The following ZNF354C variants were observed in gnomAD, a reference collection of about 807,000 sequenced individuals.
ZNF354C encodes the protein KRAB-zinc finger protein synten.
A neutral mutation model predicts 12.4 loss-of-function variants in ZNF354C; 7 were observed. The observed-to-expected ratio is 0.56, with a 90% CI of 0.32 to 1.06. ZNF354C has a LOEUF of 1.06. Ranked by LOEUF, ZNF354C falls within the 50% of genes least tolerant of loss-of-function variation. The pLI is 0.04. For missense variants in ZNF354C, 609 were observed against 658.0 expected, an observed-to-expected ratio of 0.93 and a Z score of 0.81; for synonymous variants, 202 against 224.5, an observed-to-expected ratio of 0.90 and a Z score of 0.90.
chr5:179,080,736 C>T lies in ZNF354C; in HGVS notation c.*639C>T, dbSNP rs1218611244. 2 of 106,128 alleles carry T rather than the reference C, an allele frequency of 1.9e-5. No individual in the cohort carries two copies. Among genetic ancestry groups the T allele is most frequent in the Non-Finnish European group, 3.8e-5 (2 of 52,720 alleles). 6.6% of individuals were successfully genotyped at this position (106,128 alleles called of 1,614,324 possible). A position where few individuals can be genotyped will look rare whatever the true frequency, so the allele number is the denominator to read the frequency against. On this transcript the variant is annotated 3_prime_UTR_variant, in exon 5 of 5. Transcript: ENST00000315475. ...TAGAATTTAGTTCTTAAAATCTTGC[C>T]CAAAGGTAGACTCTCTTTCTTTTAC...
chr5:179,076,491 A>T lies in ZNF354C; in HGVS notation c.74A>T (p.Glu25Val). 1 of 1,614,202 alleles carries T rather than the reference A, an allele frequency of 6.2e-7. No individual in the cohort carries two copies. The highest frequency in any genetic ancestry group is 8.5e-7 in the Non-Finnish European group (1 of 1,180,040). Residue 25 changes from glutamate (E) to valine (V), a missense_variant, in exon 3 of 5, where the codon GAG becomes GTG. Glu to Val is a moderately radical substitution (Grantham distance 121). Transcript: ENST00000315475. ...RDVAVFFSQD[E>V]WLHLDSAQRA... ...GTGGCCGTGTTCTTCAGCCAGGACG[A>T]GTGGTTGCACCTGGACTCTGCCCAG...
intron 2 of ZNF354C, among the ~76,000 whole-genome samples, chr5:179,073,032 G>A (rs1374486353): frequency 6.6e-6 from 1 of 152,100 alleles, no homozygotes; most frequent in African/African-American, 2.4e-5. Context: ...GATTTGAAAG[G>A]AGGCTGAAAA....
In ZNF354C at chr5:179,079,080, C is replaced by G; in HGVS notation, c.648C>G (p.His216Gln). The change falls in exon 5 of 5, where the codon CAC becomes CAG. Residue 216 changes from histidine to glutamine, a missense_variant. Physicochemically the swap from His to Gln is conservative, Grantham distance 24. Coordinates refer to ENST00000315475, the MANE Select transcript of ZNF354C (RefSeq NM_014594.3). This position sits in a 1 kb window ranked among gnomAD's most constrained non-coding sequence, Gnocchi z 4.2. ...AGATTTACCCAGGAGGAAAACCTCACATCTGTAATGAATGTGGGAAGAGCT... is the reference window on the plus strand; with the variant it reads ...AGATTTACCCAGGAGGAAAACCTCAGATCTGTAATGAATGTGGGAAGAGCT... ...CFQIYPGGKP[H>Q]ICNECGKSFK... 6.2e-7 allele frequency: 1 copy of G among 1,613,914 alleles called. No homozygotes were observed. The highest frequency in any genetic ancestry group is 8.5e-7 in the Non-Finnish European group (1 of 1,180,012).
At chr5:179,069,784 T>C (rs1032007266) in intron 2 of ZNF354C, among the ~76,000 whole-genome samples, 16 of 151,980 alleles carry the variant, frequency 1.1e-4, no homozygotes, top group African/African-American at 3.6e-4. Context: ...GAGAATGGTG[T>C]GAACCCGGGA....
At chr5:179,070,524 A>G (rs1032231577) in intron 2 of ZNF354C, among the ~76,000 whole-genome samples, 1 of 152,182 alleles carries the variant, frequency 6.6e-6, no homozygotes, top group Admixed American at 6.5e-5. Flanking sequence ...GTGGTCCGGA[A>G]TGTTGCTGCC....
intron 2 of ZNF354C, among the ~76,000 whole-genome samples, chr5:179,062,408 T>C (rs1761905643): frequency 1.3e-5 from 2 of 152,102 alleles, no homozygotes; most frequent in East Asian, 1.9e-4. Context: ...TCTGTCTTCA[T>C]AGAGGATATA....
intron 2 of ZNF354C, among the ~76,000 whole-genome samples, chr5:179,070,433 T>A (rs1762033089): frequency 6.6e-6 from 1 of 152,192 alleles, no homozygotes; most frequent in Non-Finnish European, 1.5e-5. Context: ...AGTAGCTGTC[T>A]TGTGCTGGTG....
At chr5:179,067,407 A>G (rs1327809700) in intron 2 of ZNF354C, among the ~76,000 whole-genome samples, 1 of 152,200 alleles carries the variant, frequency 6.6e-6, no homozygotes, top group Non-Finnish European at 1.5e-5. Context: ...AGTTACATGC[A>G]TCATTTCCAT....
intron 2 of ZNF354C, among the ~76,000 whole-genome samples, chr5:179,062,619 G>A (rs1366004703): frequency 6.6e-6 from 1 of 152,182 alleles, no homozygotes; most frequent in Non-Finnish European, 1.5e-5. Context: ...GGGGCATTCT[G>A]AGTTTATACT....
chr5:179,061,242 C>T (rs2113102844), intron 1 of ZNF354C, among the ~76,000 whole-genome samples: 1 of 152,322 alleles, frequency 6.6e-6, no homozygotes, highest in South Asian at 2.1e-4. Flanking sequence ...TGGAGGCCCT[C>T]ACACTTGCCC....
rs754192747 is a variant in ZNF354C at position 179,079,933 on chromosome 5, T to C, written c.1501T>C (p.Cys501Arg). The C allele has an allele frequency of 1.2e-6, 2 of 1,613,996 alleles. No homozygotes were observed. Among genetic ancestry groups the C allele is most frequent in the South Asian group, 1.1e-5 (1 of 91,044 alleles). Reference protein sequence around the residue: ...TGEKLYKCMECGKAYSYRSNL... With the variant: ...TGEKLYKCMERGKAYSYRSNL... ...AGAGAAACTGTATAAATGTATGGAA[T>C]GTGGGAAAGCCTACAGTTACAGATC... Residue 501 changes from cysteine to arginine, a missense_variant, in exon 5 of 5, where the codon TGT becomes CGT. Cys to Arg is a radical substitution (Grantham distance 180). Transcript: ENST00000315475. The surrounding 1 kb of genome is among the most constrained non-coding windows in gnomAD (Gnocchi z 4.2).
chr5:179,080,703 TATTG>T lies in ZNF354C; in HGVS notation c.*610_*613del, dbSNP rs1425052551. On this transcript the variant is annotated 3_prime_UTR_variant, in exon 5 of 5. Coordinates refer to ENST00000315475, the MANE Select transcript of ZNF354C (RefSeq NM_014594.3). ...CCTTTATTATTAAAAAATGTAGTTT[TATTG>T]ATTTAGAATTTAGTTCTTAAAATCT... is the stretch of plus-strand genomic sequence containing the variant. 8 of 152,220 alleles carry T rather than the reference TATTG, an allele frequency of 5.3e-5. No homozygotes were observed. The East Asian group carries it at 1.5e-3, about 29-fold the overall frequency. The allele number at this position is 152,220 out of a possible 1,614,324, so 9.4% of individuals were successfully genotyped here. A position where few individuals can be genotyped will look rare whatever the true frequency, so the allele number is the denominator to read the frequency against.
At chr5:179,062,832 C>G (rs192946356) in intron 2 of ZNF354C, among the ~76,000 whole-genome samples, 4 of 152,194 alleles carry the variant, frequency 2.6e-5, no homozygotes, top group Non-Finnish European at 5.9e-5. Flanking sequence ...TTTCTTTTTT[C>G]TCTGCTAGTT....
intron 2 of ZNF354C, among the ~76,000 whole-genome samples, chr5:179,066,126 A>C (rs907136695): frequency 6.6e-6 from 1 of 152,228 alleles, no homozygotes; most frequent in Non-Finnish European, 1.5e-5. Flanking sequence ...TTATATCAGT[A>C]TGGCAACCAT....
intron 2 of ZNF354C, among the ~76,000 whole-genome samples, chr5:179,064,089 C>T (rs1489247850): frequency 6.6e-6 from 1 of 152,182 alleles, no homozygotes; most frequent in Non-Finnish European, 1.5e-5. Context: ...TATCTGAGCT[C>T]GCCTACATCC....
In ZNF354C at chr5:179,079,926, T is replaced by C. The variant is rs201552962; in HGVS notation, c.1494T>C (p.Cys498=). 6.2e-7 allele frequency: 1 copy of C among 1,613,876 alleles called. No individual in the cohort carries two copies. Among genetic ancestry groups the C allele is most frequent in the South Asian group, 1.1e-5 (1 of 91,038 alleles). ...ACACTGGAGAGAAACTGTATAAATG[T>C]ATGGAATGTGGGAAAGCCTACAGTT... The part of the protein sequence containing the change: ...RIHTGEKLYK[C]MECGKAYSYR... Residue 498 remains cysteine, a synonymous_variant, in exon 5 of 5, where the codon TGT becomes TGC. Transcript: ENST00000315475. The surrounding 1 kb of genome is among the most constrained non-coding windows in gnomAD (Gnocchi z 4.2).
Position 179,077,174 on chromosome 5 carries a change from A to G in ZNF354C, c.250+8A>G, listed in dbSNP as rs780847076. ...CTTCAGATACCCGTCTAGGTAAGTG[A>G]GAGGCTGGGAAATGGGCACAAGGGG... On this transcript the variant is annotated splice_region_variant and intron_variant, in intron 4 of 4. Transcript: ENST00000315475. 1 of 1,612,106 alleles carries G rather than the reference A, an allele frequency of 6.2e-7. No homozygotes were observed. The highest frequency in any genetic ancestry group is 2.2e-5 in the East Asian group (1 of 44,872).
chr5:179,079,347 T>C lies in ZNF354C; in HGVS notation c.915T>C (p.Cys305=). The C allele has an allele frequency of 6.2e-7, 1 of 1,614,172 alleles. No homozygotes were observed. Among genetic ancestry groups the C allele is most frequent in the Non-Finnish European group, 8.5e-7 (1 of 1,180,032 alleles). ...AGAAACCGTATCGATGTAGGGAATG[T>C]GGTAAAGCCTTTAGCCAGTGTTCAA... ...TGEKPYRCRE[C]GKAFSQCSTL... is the part of the protein sequence containing the mutation. The change falls in exon 5 of 5, where the codon TGT becomes TGC. Residue 305 remains cysteine, a synonymous_variant. Transcript: ENST00000315475. The surrounding 1 kb of genome is among the most constrained non-coding windows in gnomAD (Gnocchi z 4.2).
rs1762248326 is a variant in ZNF354C, at chr5:179,082,893, C to A, written c.*2796C>A. On this transcript the variant is annotated 3_prime_UTR_variant, in exon 5 of 5. Coordinates refer to ENST00000315475, the MANE Select transcript of ZNF354C (RefSeq NM_014594.3). ...ATTCCAGGCACTGCACTTGCCAGTG[C>A]GCTGATGAAGAATCACGGAGAACTC... 3.9e-6 allele frequency: 4 copies of A among 1,030,516 alleles called. No individual in the cohort carries two copies. Among genetic ancestry groups the A allele is most frequent in the Non-Finnish European group, 6.1e-6 (4 of 652,206 alleles). The allele number at this position is 1,030,516 out of a possible 1,614,324, so 63.8% of individuals were successfully genotyped here.
Sources: allele counts gnomAD v4.1 joint callset (sites outside exome capture counted in the v4.1 genomes callset), GRCh38; gene constraint gnomAD v4.1.1; non-coding constraint Gnocchi (gnomAD v3.1); transcripts MANE v1.5; gene names NCBI Gene and HGNC (gene_info 2026-07-23, HGNC 2026-07-21).